The following SYNE1 variants were observed in gnomAD, a reference collection of about 807,000 sequenced individuals.
SYNE1 encodes nesprin-1.
In SYNE1, 616 loss-of-function variants were observed where a neutral mutation model predicts 1,111.0. The observed-to-expected ratio is 0.55, with a 90% CI of 0.52 to 0.59. The LOEUF (loss-of-function observed/expected upper bound fraction) is 0.59. SYNE1 is among the 20% of genes least tolerant of loss of function. The pLI is 0.00. For synonymous variants in SYNE1, 3,855 were observed against 3,825.8 expected, an observed-to-expected ratio of 1.01 and a Z score of -0.28; for missense variants, 10,006 against 10,417.0, an observed-to-expected ratio of 0.96 and a Z score of 1.72.
chr6:152,361,042 G>A (rs532834862), intron 64 of SYNE1, among the ~76,000 whole-genome samples: 6 of 152,298 alleles, frequency 3.9e-5, no homozygotes, highest in East Asian at 1.9e-4. Context: ...AAGCCTGAGC[G>A]GTGGTGGTGT....
intron 106 of SYNE1, among the ~76,000 whole-genome samples, chr6:152,243,680 T>C (rs1408115586): frequency 1.3e-5 from 2 of 152,234 alleles, no homozygotes; most frequent in African/African-American, 4.8e-5. Context: ...ATAAAAATGT[T>C]CTTTTGTTTA....
chr6:152,263,067 C>T (rs562034925), intron 100 of SYNE1, among the ~76,000 whole-genome samples: 17 of 150,176 alleles, frequency 1.1e-4, no homozygotes, highest in South Asian at 8.5e-4. Context: ...AGAGATAGTA[C>T]GGGACCTGGG....
At chr6:152,329,095 TA>T (rs1196479137) in intron 78 of SYNE1, among the ~76,000 whole-genome samples, 2 of 152,242 alleles carry the variant, frequency 1.3e-5, no homozygotes, top group Non-Finnish European at 2.9e-5. Context: ...ATCCATGTAC[TA>T]ATATATAATA....
chr6:152,519,026 T>C (rs1406554287), intron 6 of SYNE1, among the ~76,000 whole-genome samples: 1 of 151,572 alleles, frequency 6.6e-6, no homozygotes, highest in Non-Finnish European at 1.5e-5. Flanking sequence ...TTAGGAGATA[T>C]ACCTAATGCT....
chr6:152,430,575 G>C lies in SYNE1; in HGVS notation c.4596C>G (p.Tyr1532Ter). ...IKAKLTQIRR[Y>*]GEELREHAQC... ...GTGCATGCTCTCGAAGCTCTTCCCC[G>C]TATCTTCTTATTTGTGTCAACTTGG... Residue 1532 changes from tyrosine to a stop codon, truncating the protein, a stop_gained, in exon 35 of 146, where the codon TAC becomes TAG. Transcript: ENST00000367255. LOFTEE classifies it high-confidence loss of function. 6.2e-7 allele frequency: 1 copy of C among 1,614,010 alleles called. No individual in the cohort carries two copies. The highest frequency in any genetic ancestry group is 8.5e-7 in the Non-Finnish European group (1 of 1,179,980).
intron 46 of SYNE1, among the ~76,000 whole-genome samples, chr6:152,403,192 C>T (rs1193541235): frequency 6.6e-6 from 1 of 152,122 alleles, no homozygotes; most frequent in African/African-American, 2.4e-5. Flanking sequence ...GAGCCTGGAG[C>T]CAGTGGGGCT....
rs375821465 is a variant in SYNE1 at position 152,465,244 on chromosome 6, T to A, written c.1932+14A>T. 6.2e-7 allele frequency: 1 copy of A among 1,613,166 alleles called. No homozygotes were observed. The highest frequency in any genetic ancestry group is 8.5e-7 in the Non-Finnish European group (1 of 1,179,490). Reference sequence around the variant, plus strand: ...ACATCAAACGTCTTTTCTTTTTGCATGAACCAATCTTACCTTTTTGGCATT... The same window carrying A: ...ACATCAAACGTCTTTTCTTTTTGCAAGAACCAATCTTACCTTTTTGGCATT... On this transcript the variant is annotated intron_variant, in intron 18 of 145. Coordinates refer to ENST00000367255, the MANE Select transcript of SYNE1 (RefSeq NM_182961.4).
At position 152,444,534 on chromosome 6, in the gene SYNE1, T is replaced by C. The variant is rs773455667; in HGVS notation, c.3714A>G (p.Lys1238=). 1.2e-6 allele frequency: 2 copies of C among 1,613,718 alleles called. No individual in the cohort carries two copies. The highest frequency in any genetic ancestry group is 2.2e-5 in the South Asian group (2 of 91,068). The change falls in exon 30 of 146, where the codon AAA becomes AAG. Residue 1238 remains lysine (K), a synonymous_variant. Coordinates refer to ENST00000367255, the MANE Select transcript of SYNE1 (RefSeq NM_182961.4). ...LSNFGDCVQY[K]EIVKNSLEEL... ...CTTCGAGAGAATTTTTGACTATTTC[T>C]TTGTACTGGACACAGTCCCCAAAAT...
Position 152,309,919 on chromosome 6 carries a change from T to C in SYNE1, c.17118A>G (p.Leu5706=), listed in dbSNP as rs1194006323. Residue 5706 remains leucine (L), a synonymous_variant, in exon 90 of 146, where the codon TTA becomes TTG. Transcript: ENST00000367255. ...GCCGCAGAGCAGCATGACAGAGAGG[T>C]AAGCTGGCAACCACATCCTCGGGGA... ...LRIPEDVVAS[L]PLCHAALRLQ... is the part of the protein sequence containing the mutation. The C allele has an allele frequency of 6.2e-7, 1 of 1,613,922 alleles. No individual in the cohort carries two copies. The highest frequency in any genetic ancestry group is 8.5e-7 in the Non-Finnish European group (1 of 1,180,046).
intron 139 of SYNE1, 83 bp downstream of exon 139, chr6:152,141,120 C>T: frequency 2.5e-6 from 4 of 1,588,018 alleles, no homozygotes; most frequent in Non-Finnish European, 3.4e-6. Context: ...AAGGCCAAGC[C>T]CCCTAAGTGG....
Position 152,293,701 on chromosome 6 carries a change from TCTG to T in SYNE1, c.17896_17898del (p.Gln5966del). The T allele has an allele frequency of 6.2e-7, 1 of 1,614,156 alleles. No homozygotes were observed. The highest frequency in any genetic ancestry group is 8.5e-7 in the Non-Finnish European group (1 of 1,180,024). On this transcript the variant is annotated inframe_deletion, in exon 95 of 146. Transcript: ENST00000367255. Reference sequence around the variant, plus strand: ...ATGGACTGGAGGGAGTCCTGGTACTTCTGCTGGCGTTCCAAAGCTTCATAGAGT... The same window carrying T: ...ATGGACTGGAGGGAGTCCTGGTACTTCTGGCGTTCCAAAGCTTCATAGAGT...
At chr6:152,207,887 G>A (rs775604327) in intron 125 of SYNE1, 85 bp downstream of exon 125, 98 of 1,275,366 alleles carry the variant, frequency 7.7e-5, no homozygotes, top group Middle Eastern at 6.1e-4. Flanking sequence ...TGTCACTCTA[G>A]AGTCCTTTTG....
At chr6:152,240,877 C>T (rs116815838) in intron 107 of SYNE1, among the ~76,000 whole-genome samples, 108 of 152,274 alleles carry the variant, frequency 7.1e-4, no homozygotes, top group African/African-American at 2.5e-3. Flanking sequence ...CAGAACTCTC[C>T]CTCAGAAAAT....
At chr6:152,590,343 A>G (rs888934516) in intron 3 of SYNE1, among the ~76,000 whole-genome samples, 2 of 151,400 alleles carry the variant, frequency 1.3e-5, no homozygotes, top group Non-Finnish European at 2.9e-5. Flanking sequence ...ATTTAAATTA[A>G]GACATGTATG....
chr6:152,288,499 G>A (rs553531955), intron 95 of SYNE1, among the ~76,000 whole-genome samples: 1 of 152,284 alleles, frequency 6.6e-6, no homozygotes, highest in East Asian at 1.9e-4. Context: ...TGAATGTTCT[G>A]CAGTCAGTAA....
intron 104 of SYNE1, among the ~76,000 whole-genome samples, chr6:152,253,979 T>G (rs1384042664): frequency 6.6e-6 from 1 of 151,526 alleles, no homozygotes; most frequent in Non-Finnish European, 1.5e-5. Context: ...AAAGAGTGCT[T>G]TTTATTAGGA....
intron 3 of SYNE1, among the ~76,000 whole-genome samples, chr6:152,610,359 C>T (rs537692413): frequency 4.6e-5 from 7 of 152,112 alleles, no homozygotes; most frequent in Admixed American, 1.3e-4. Context: ...ACACAAGCTT[C>T]AATAGCCGAT....
chr6:152,472,208 T>TA (rs1001335498), intron 15 of SYNE1, 93 bp downstream of exon 15: 547 of 1,134,274 alleles, frequency 4.8e-4, no homozygotes, highest in Middle Eastern at 1.6e-3. Flanking sequence ...GCGCCTCTGT[T>TA]AAAAAAAAAT....
At chr6:152,490,749 G>C (rs1365862273) in intron 11 of SYNE1, among the ~76,000 whole-genome samples, 2 of 152,160 alleles carry the variant, frequency 1.3e-5, no homozygotes, top group Admixed American at 6.5e-5. Context: ...GTGACATTTG[G>C]TGCTGAAGAT....
Sources: gnomAD v4.1 joint callset for allele counts (sites outside exome capture counted in the v4.1 genomes callset) on GRCh38, gnomAD v4.1.1 for gene constraint, MANE v1.5 for transcripts, NCBI Gene and HGNC (gene_info 2026-07-23, HGNC 2026-07-21) for gene names.